TES: variants seen among roughly 807,000 people sequenced by gnomAD.
TES encodes testin.
Under a neutral mutation model 48.2 loss-of-function variants are expected in TES, and 41 were observed. That is an observed-to-expected ratio of 0.85 (90% CI 0.66 to 1.10). TES has a LOEUF of 1.10. Ranked by LOEUF, TES falls within the 50% of genes least tolerant of loss-of-function variation. The pLI is 0.00. For missense variants in TES, 463 were observed against 515.1 expected, an observed-to-expected ratio of 0.90 and a Z score of 0.98; for synonymous variants, 162 against 174.9, an observed-to-expected ratio of 0.93 and a Z score of 0.58.
intron 1 of TES, among the ~76,000 whole-genome samples, chr7:116,218,184 CT>C (rs1275742253): frequency 1.3e-5 from 2 of 152,072 alleles, no homozygotes; most frequent in African/African-American, 4.8e-5. Flanking sequence ...CTGAATTATC[CT>C]CAAACCATGA....
chr7:116,253,633 C>T (rs553297478), intron 6 of TES, among the ~76,000 whole-genome samples: 1 of 152,294 alleles, frequency 6.6e-6, no homozygotes, highest in South Asian at 2.1e-4. Context: ...CACACGTTCA[C>T]CATCATTTTC....
chr7:116,246,967 T>TA (rs1799935300), intron 2 of TES, among the ~76,000 whole-genome samples: 1 of 143,796 alleles, frequency 7.0e-6, no homozygotes, highest in Non-Finnish European at 1.5e-5. Flanking sequence ...TTTTTTTTTT[T>TA]AAGCACTATG....
chr7:116,247,873 T>C (rs368952641), intron 2 of TES, among the ~76,000 whole-genome samples: 2 of 152,278 alleles, frequency 1.3e-5, no homozygotes, highest in African/African-American at 2.4e-5. Context: ...CATGGGTAAA[T>C]TGCATGTTAC....
chr7:116,211,102 C>G (rs1163510765), intron 1 of TES: 1 of 192,040 alleles, frequency 5.2e-6, no homozygotes, highest in Admixed American at 6.2e-5. Flanking sequence ...GCGGGCGAGA[C>G]CGTGACACTT....
intron 5 of TES, 134 bp downstream of exon 5, chr7:116,252,109 T>G: frequency 9.6e-7 from 1 of 1,043,512 alleles, no homozygotes; most frequent in Non-Finnish European, 1.4e-6. Context: ...AAAAATAAAC[T>G]TCTGATATCA....
intron 2 of TES, among the ~76,000 whole-genome samples, chr7:116,241,927 C>G (rs1274183057): frequency 6.6e-6 from 1 of 152,084 alleles, no homozygotes; most frequent in Non-Finnish European, 1.5e-5. Flanking sequence ...GTAAATATAA[C>G]TTTTTTAACC....
At position 116,257,935 on chromosome 7, in the gene TES, C is replaced by A. The variant is rs1053312006; in HGVS notation, c.*453C>A. 1.3e-5 allele frequency: 2 copies of A among 154,588 alleles called. No homozygotes were observed. The highest frequency in any genetic ancestry group is 2.9e-5 in the Non-Finnish European group (2 of 69,502). The allele number at this position is 154,588 out of a possible 1,614,324, so 9.6% of individuals were successfully genotyped here. On this transcript the variant is annotated 3_prime_UTR_variant, in exon 7 of 7. Coordinates refer to ENST00000358204, the MANE Select transcript of TES (RefSeq NM_015641.4). ...TTTATTGCCTCGTCTTATTCACTGA[C>A]CTTTGTAATGATACACAGTGAATTC...
At chr7:116,226,901 A>C (rs1243760171) in intron 1 of TES, among the ~76,000 whole-genome samples, 7 of 152,172 alleles carry the variant, frequency 4.6e-5, no homozygotes, top group Non-Finnish European at 1.0e-4. Context: ...TGAGTAAGTG[A>C]GAGATGGGAA....
chr7:116,252,709 G>A (rs971288476), intron 6 of TES: 13 of 537,618 alleles, frequency 2.4e-5, no homozygotes, highest in Non-Finnish European at 4.0e-5. Context: ...TATAGGTACT[G>A]CTTAATAATA....
chr7:116,228,474 CT>C (rs372786559), intron 1 of TES, among the ~76,000 whole-genome samples: 60 of 152,280 alleles, frequency 3.9e-4, no homozygotes, highest in African/African-American at 1.4e-3. Flanking sequence ...AGCTTTGAGA[CT>C]TGTGCGCTTA....
Position 116,229,165 on chromosome 7 carries a change from A to C in TES, c.28-5369A>C, listed in dbSNP as rs1039916952. ...CTAGTTCGCCTTAGCTGAGGAGCTA[A>C]GCCTCTCTGGGCTCACCTTCCTCCC... On this transcript the variant is annotated intron_variant, in intron 1 of 6. Coordinates refer to ENST00000358204, the MANE Select transcript of TES (RefSeq NM_015641.4). Among the ~76,000 whole-genome samples the C allele has an allele frequency of 1.1e-4, 16 of 151,916 alleles. No individual in the cohort carries two copies. The South Asian group carries it at 3.3e-3, about 32-fold the overall frequency.
At chr7:116,238,615 T>TATC (rs10524020) in intron 2 of TES, among the ~76,000 whole-genome samples, 1 of 148,230 alleles carries the variant, frequency 6.7e-6, no homozygotes, top group Non-Finnish European at 1.5e-5. Context: ...TTATTATTAT[T>TATC]TTTGAGATGG....
intron 2 of TES, among the ~76,000 whole-genome samples, chr7:116,235,955 CTGATACAGTTCTTCAGTTT>C (rs555114036): frequency 8.8e-4 from 134 of 152,294 alleles, no homozygotes; most frequent in African/African-American, 3.1e-3. Context: ...CCTGCTAGAA[CTGATACAGTTCTTCAGTTT>C]TGATACAATT....
In TES at chr7:116,253,732, A is replaced by G. The variant is rs1386080714; in HGVS notation, c.1077+1256A>G. 2.0e-5 allele frequency among the ~76,000 whole-genome samples: 3 copies of G among 152,006 alleles called. No homozygotes were observed. The East Asian group carries it at 5.8e-4, about 29-fold the overall frequency. Reference sequence around the variant, plus strand: ...CTGTTTTACCTGACTGTACCTACACATTTATTCCTTTAGATTCAGTTTAGG... The same window carrying G: ...CTGTTTTACCTGACTGTACCTACACGTTTATTCCTTTAGATTCAGTTTAGG... On this transcript the variant is annotated intron_variant, in intron 6 of 6. Coordinates refer to ENST00000358204, the MANE Select transcript of TES (RefSeq NM_015641.4).
chr7:116,230,071 G>A (rs1419750327), intron 1 of TES, among the ~76,000 whole-genome samples: 1 of 152,172 alleles, frequency 6.6e-6, no homozygotes, highest in Non-Finnish European at 1.5e-5. Flanking sequence ...TTTATTGCCA[G>A]TCTGAAACTC....
At chr7:116,255,699 AAC>A (rs933044843) in intron 6 of TES, among the ~76,000 whole-genome samples, 1 of 152,216 alleles carries the variant, frequency 6.6e-6, no homozygotes, top group African/African-American at 2.4e-5. Flanking sequence ...AAGGGAATAA[AAC>A]ACACGGTGTA....
At chr7:116,216,987 A>G (rs2116571647) in intron 1 of TES, among the ~76,000 whole-genome samples, 1 of 152,284 alleles carries the variant, frequency 6.6e-6, no homozygotes, top group African/African-American at 2.4e-5. Flanking sequence ...TTTACGTACC[A>G]TGCACTGTTC....
intron 1 of TES, among the ~76,000 whole-genome samples, chr7:116,213,797 C>T (rs1466244016): frequency 6.6e-6 from 1 of 151,788 alleles, no homozygotes; most frequent in Non-Finnish European, 1.5e-5. Flanking sequence ...ATCTAGACCT[C>T]TTTCTTATTT....
At chr7:116,245,957 C>G (rs541680554) in intron 2 of TES, among the ~76,000 whole-genome samples, 69 of 152,202 alleles carry the variant, frequency 4.5e-4, no homozygotes, top group African/African-American at 1.7e-3. Context: ...AACTCAATCA[C>G]TATCATGAGA....
Sources: gnomAD v4.1 joint callset for allele counts (sites outside exome capture counted in the v4.1 genomes callset) on GRCh38, gnomAD v4.1.1 for gene constraint, MANE v1.5 for transcripts, NCBI Gene and HGNC (gene_info 2026-07-23, HGNC 2026-07-21) for gene names.